The following QTMAN variants were observed in gnomAD, a reference collection of about 807,000 sequenced individuals.
QTMAN encodes the protein tRNA-queuosine alpha-mannosyltransferase.
chr2:144,031,741 G>C, the QTMAN span, among the ~76,000 whole-genome samples: 7 of 152,100 alleles, frequency 4.6e-5, no homozygotes, highest in African/African-American at 1.7e-4. Flanking sequence ...ATGCTCTTAG[G>C]GGGTATGATT....
the QTMAN span, among the ~76,000 whole-genome samples, chr2:144,210,156 A>T: frequency 6.6e-6 from 1 of 152,094 alleles, no homozygotes; most frequent in Non-Finnish European, 1.5e-5. Flanking sequence ...GAATCCTAGG[A>T]TCAAGGACAT....
chr2:143,971,687 ATT>A, the QTMAN span, among the ~76,000 whole-genome samples: 3 of 152,104 alleles, frequency 2.0e-5, no homozygotes, highest in Non-Finnish European at 2.9e-5. Context: ...TCTTCAAAAT[ATT>A]TGTTTTTTAT....
the QTMAN span, among the ~76,000 whole-genome samples, chr2:144,241,737 T>C: frequency 6.6e-6 from 1 of 152,128 alleles, no homozygotes; most frequent in Non-Finnish European, 1.5e-5. Context: ...AAGCTTATCT[T>C]GTTACTATAA....
the QTMAN span, among the ~76,000 whole-genome samples, chr2:144,222,717 A>C: frequency 6.6e-6 from 1 of 152,110 alleles, no homozygotes; most frequent in Admixed American, 6.5e-5. Context: ...CTGAGGCAGG[A>C]GAATGGAGTG....
the QTMAN span, among the ~76,000 whole-genome samples, chr2:143,951,354 A>G: frequency 6.6e-6 from 1 of 151,628 alleles, no homozygotes; most frequent in African/African-American, 2.4e-5. Flanking sequence ...AAAATTCTTG[A>G]TTCAAATAAA....
At chr2:144,198,317 T>A in the QTMAN span, among the ~76,000 whole-genome samples, 2 of 152,210 alleles carry the variant, frequency 1.3e-5, no homozygotes, top group African/African-American at 2.4e-5. Flanking sequence ...ACTTCCTGAT[T>A]CCAAAGTGAT....
the QTMAN span, among the ~76,000 whole-genome samples, chr2:144,270,985 G>A: frequency 3.9e-5 from 6 of 152,038 alleles, no homozygotes; most frequent in Middle Eastern, 3.4e-3. Context: ...CCTTGAGCGG[G>A]GTTCACTTTC....
chr2:143,985,201 G>T, the QTMAN span, among the ~76,000 whole-genome samples: 1 of 152,202 alleles, frequency 6.6e-6, no homozygotes, highest in South Asian at 2.1e-4. Context: ...GCTGGTTCCA[G>T]TGTTCATTCA....
chr2:144,114,571 C>T, the QTMAN span, among the ~76,000 whole-genome samples: 1 of 152,304 alleles, frequency 6.6e-6, no homozygotes, highest in African/African-American at 2.4e-5. Context: ...TTTGCTCATG[C>T]TGTAGAACAA....
the QTMAN span, among the ~76,000 whole-genome samples, chr2:143,978,666 T>A: frequency 6.6e-6 from 1 of 152,186 alleles, no homozygotes; most frequent in Non-Finnish European, 1.5e-5. Context: ...GCAGTCACCA[T>A]CCCACATAAT....
At chr2:143,941,905 C>G in the QTMAN span, 1 of 151,560 alleles carries the variant, frequency 6.6e-6, no homozygotes, top group Non-Finnish European at 1.5e-5. Context: ...AAGGCTTATA[C>G]AAAAAAACTT....
At chr2:143,991,024 A>T in the QTMAN span, among the ~76,000 whole-genome samples, 2 of 152,200 alleles carry the variant, frequency 1.3e-5, no homozygotes, top group African/African-American at 4.8e-5. Context: ...TTAAGAGAGG[A>T]TTAGTAAACT....
chr2:144,150,024 A>G, the QTMAN span, among the ~76,000 whole-genome samples: 1 of 151,984 alleles, frequency 6.6e-6, no homozygotes, highest in Admixed American at 6.6e-5. Context: ...ACATTTTAGT[A>G]ATGATTCTTC....
At chr2:144,038,160 TA>T in the QTMAN span, among the ~76,000 whole-genome samples, 2 of 152,106 alleles carry the variant, frequency 1.3e-5, no homozygotes, top group Middle Eastern at 3.2e-3. Context: ...TTTTCCCTGA[TA>T]AAAAAAATTT....
chr2:144,297,607 GTCTC>G, the QTMAN span, among the ~76,000 whole-genome samples: 2 of 138,142 alleles, frequency 1.4e-5, no homozygotes, highest in Admixed American at 1.5e-4. Context: ...TTGAGACAGA[GTCTC>G]TCTCTGTCTC....
chr2:144,298,992 G>A, the QTMAN span, among the ~76,000 whole-genome samples: 3 of 152,258 alleles, frequency 2.0e-5, no homozygotes, highest in African/African-American at 7.2e-5. Flanking sequence ...TGCCCTGGCA[G>A]GAGACTTTTT....
chr2:144,030,870 G>C, the QTMAN span, among the ~76,000 whole-genome samples: 8,787 of 152,134 alleles, frequency 0.058, 855 homozygotes, highest in African/African-American at 0.2. Flanking sequence ...GTTAATAATT[G>C]CAGTCAGAAA....
the QTMAN span, among the ~76,000 whole-genome samples, chr2:144,102,499 C>T: frequency 6.6e-6 from 1 of 152,152 alleles, no homozygotes; most frequent in Non-Finnish European, 1.5e-5. Flanking sequence ...GTGACTGTTC[C>T]AGGTCAAATA....
At chr2:143,975,270 T>C in the QTMAN span, among the ~76,000 whole-genome samples, 3 of 152,230 alleles carry the variant, frequency 2.0e-5, no homozygotes, top group Non-Finnish European at 4.4e-5. Context: ...AGTAAATATT[T>C]ATTGAGGATT....
Sources: gnomAD v4.1 joint callset for allele counts (sites outside exome capture counted in the v4.1 genomes callset) on GRCh38, gnomAD v4.1.1 for gene constraint, MANE v1.5 for transcripts, NCBI Gene and HGNC (gene_info 2026-07-23, HGNC 2026-07-21) for gene names.